The following DENND1B variants were observed in gnomAD, a reference collection of about 807,000 sequenced individuals.
The protein encoded by DENND1B is DENN domain-containing protein 1B.
Under a neutral mutation model 90.1 loss-of-function variants are expected in DENND1B, and 59 were observed. That is an observed-to-expected ratio of 0.65 (90% CI 0.53 to 0.81). DENND1B has a LOEUF of 0.81. Ranked by LOEUF, DENND1B falls within the 40% of genes least tolerant of loss-of-function variation. DENND1B has a pLI of 0.00. For missense variants in DENND1B, 862 were observed against 912.6 expected (o/e 0.94, Z 0.71); for synonymous variants, 337 against 324.6 (o/e 1.04, Z -0.41).
At chr1:197,556,131 A>G (rs1170813936) in intron 15 of DENND1B, among the ~76,000 whole-genome samples, 1 of 152,100 alleles carries the variant, frequency 6.6e-6, no homozygotes, top group Non-Finnish European at 1.5e-5. Flanking sequence ...GTTTTCACTT[A>G]AAAGTGGGAA....
intron 5 of DENND1B, among the ~76,000 whole-genome samples, chr1:197,671,038 G>T (rs934783602): frequency 5.3e-5 from 8 of 152,150 alleles, no homozygotes; most frequent in Non-Finnish European, 1.2e-4. Flanking sequence ...AACCAATGTT[G>T]TAAGTAAATT....
chr1:197,512,981 G>C (rs368620199), intron 20 of DENND1B, 28 bp from the exon 21 acceptor site: 83 of 1,574,658 alleles, frequency 5.3e-5, no homozygotes, highest in Non-Finnish European at 6.2e-5. Context: ...CAATAAATTG[G>C]CATTAGCAGT....
intron 10 of DENND1B, among the ~76,000 whole-genome samples, chr1:197,642,127 C>T (rs1016422732): frequency 1.9e-4 from 29 of 151,896 alleles, no homozygotes; most frequent in African/African-American, 5.6e-4. Context: ...TCTTTCTCTC[C>T]CTGCCTTTAC....
intron 10 of DENND1B, among the ~76,000 whole-genome samples, chr1:197,622,733 A>G (rs1678285980): frequency 6.6e-6 from 1 of 151,446 alleles, no homozygotes; most frequent in South Asian, 2.1e-4. Context: ...TATCATCTCA[A>G]CTTATGTCTA....
intron 10 of DENND1B, among the ~76,000 whole-genome samples, chr1:197,621,482 T>C (rs1678158007): frequency 6.6e-6 from 1 of 151,408 alleles, no homozygotes; most frequent in Admixed American, 6.6e-5. Context: ...GTTTGCAATA[T>C]AAAGTACTAC....
intron 15 of DENND1B, among the ~76,000 whole-genome samples, chr1:197,562,161 A>G (rs2125706185): frequency 6.6e-6 from 1 of 152,060 alleles, no homozygotes; most frequent in Non-Finnish European, 1.5e-5. Context: ...GTTTTAAATT[A>G]TAATTTGTTA....
At chr1:197,685,791 T>A (rs534897836) in intron 3 of DENND1B, 9 of 152,266 alleles carry the variant, frequency 5.9e-5, no homozygotes, top group Admixed American at 3.9e-4. Context: ...ATTGAGTGTT[T>A]CTTGAAATTC....
Position 197,563,463 on chromosome 1 carries a change from A to G in DENND1B, c.1150-10351T>C, listed in dbSNP as rs148672922. ...AATAATACAAAGCCCAGATGACAAT[A>G]CATCTGCTTACACCATGTTTTACTG... is the stretch of plus-strand genomic sequence containing the variant. On this transcript the variant is annotated intron_variant, in intron 15 of 22. Coordinates refer to ENST00000620048, the MANE Select transcript of DENND1B (RefSeq NM_001195215.2). Among the ~76,000 whole-genome samples the G allele has an allele frequency of 2.2e-3, 337 of 152,112 alleles. 2 individuals carry two copies. The highest frequency in any genetic ancestry group is 7.8e-3 in the African/African-American group (324 of 41,526).
At chr1:197,647,981 A>T (rs1043365376) in intron 7 of DENND1B, among the ~76,000 whole-genome samples, 13 of 152,082 alleles carry the variant, frequency 8.5e-5, no homozygotes, top group Non-Finnish European at 1.8e-4. Context: ...ATAACTTTAA[A>T]ATAGGTATAC....
chr1:197,661,913 A>T (rs1004005855), intron 5 of DENND1B, among the ~76,000 whole-genome samples: 1 of 152,048 alleles, frequency 6.6e-6, no homozygotes, highest in Non-Finnish European at 1.5e-5. Context: ...CTGTAAGACT[A>T]TATCCTTGTC....
At chr1:197,698,406 C>T (rs553189237) in intron 3 of DENND1B, among the ~76,000 whole-genome samples, 8 of 151,840 alleles carry the variant, frequency 5.3e-5, no homozygotes, top group African/African-American at 9.7e-5. Flanking sequence ...TGGTACATAG[C>T]GAAAGCAGTG....
intron 2 of DENND1B, among the ~76,000 whole-genome samples, chr1:197,760,971 T>G (rs1654967555): frequency 6.6e-6 from 1 of 152,196 alleles, no homozygotes; most frequent in Admixed American, 6.5e-5. Context: ...AAGCTAGTAT[T>G]TTTGTACGTA....
intron 2 of DENND1B, among the ~76,000 whole-genome samples, chr1:197,770,681 C>T (rs1423907381): frequency 7.3e-6 from 1 of 137,518 alleles, no homozygotes; most frequent in Non-Finnish European, 1.5e-5. Context: ...TATAAATATA[C>T]ATATCTATAA....
chr1:197,761,350 T>C (rs1035021145), intron 2 of DENND1B, among the ~76,000 whole-genome samples: 4 of 152,172 alleles, frequency 2.6e-5, no homozygotes, highest in Non-Finnish European at 2.9e-5. Context: ...ATATCTAAAA[T>C]ACACTGTAAT....
chr1:197,759,784 A>G (rs1002470545), intron 2 of DENND1B, among the ~76,000 whole-genome samples: 2 of 150,318 alleles, frequency 1.3e-5, no homozygotes, highest in Admixed American at 6.7e-5. Flanking sequence ...GGAGGAAGAT[A>G]CCTCTTAGAG....
Position 197,690,151 on chromosome 1 carries a change from C to T in DENND1B, c.127-15982G>A, listed in dbSNP as rs548665898. On this transcript the variant is annotated intron_variant, in intron 3 of 22. Transcript: ENST00000620048. ...GAGTCTGTTGAAATGCACCAAAAAG[C>T]TTTGAGTGAAGCTCTTCCTAAGGAT... 6.2e-5 allele frequency: 17 copies of T among 276,188 alleles called. No homozygotes were observed. In the East Asian group the frequency reaches 1.5e-3, roughly 24 times the overall value. The allele number at this position is 276,188 out of a possible 1,614,324, so 17.1% of individuals were successfully genotyped here. A position where few individuals can be genotyped will look rare whatever the true frequency, so the allele number is the denominator to read the frequency against.
chr1:197,634,961 C>T (rs558004133), intron 10 of DENND1B, among the ~76,000 whole-genome samples: 23 of 148,350 alleles, frequency 1.6e-4, no homozygotes, highest in African/African-American at 3.7e-4. Flanking sequence ...CACTACACTC[C>T]AACACCTTGG....
intron 2 of DENND1B, among the ~76,000 whole-genome samples, chr1:197,729,629 T>C (rs1319991368): frequency 1.3e-5 from 2 of 152,194 alleles, no homozygotes; most frequent in African/African-American, 2.4e-5. Context: ...ATAGTAATCA[T>C]GTAGAATAAA....
chr1:197,583,532 G>C (rs1217639679), intron 14 of DENND1B, among the ~76,000 whole-genome samples: 1 of 152,118 alleles, frequency 6.6e-6, no homozygotes, highest in African/African-American at 2.4e-5. Context: ...GACATCATCA[G>C]ATTGAATTAT....
Sources: allele counts gnomAD v4.1 joint callset (sites outside exome capture counted in the v4.1 genomes callset), GRCh38; gene constraint gnomAD v4.1.1; transcripts MANE v1.5; gene names NCBI Gene and HGNC (gene_info 2026-07-23, HGNC 2026-07-21).